The following LPXN variants were observed in gnomAD, a reference collection of about 807,000 sequenced individuals.
LPXN encodes leupaxin.
A neutral mutation model predicts 45.6 loss-of-function variants in LPXN; 28 were observed. The ratio of observed to expected loss-of-function variants is 0.61; its 90% confidence interval spans 0.45 to 0.84. LPXN has a LOEUF of 0.84. Among genes scored for constraint, LPXN ranks in the 40% least tolerant of loss-of-function variants. The pLI, the probability that LPXN is intolerant of heterozygous loss-of-function variation, is 0.00. For missense variants in LPXN, 459 were observed against 475.0 expected (o/e 0.97, Z 0.31); for synonymous variants, 166 against 169.9 (o/e 0.98, Z 0.18).
chr11:58,543,771 T>C (rs931821838), intron 7 of LPXN, among the ~76,000 whole-genome samples: 17 of 152,150 alleles, frequency 1.1e-4, no homozygotes, highest in African/African-American at 3.1e-4. Flanking sequence ...AATAATTTTG[T>C]AAATATGAGA....
chr11:58,547,880 T>C (rs1054341119), intron 7 of LPXN, among the ~76,000 whole-genome samples: 1 of 152,122 alleles, frequency 6.6e-6, no homozygotes, highest in Non-Finnish European at 1.5e-5. Flanking sequence ...GAGTTCATTC[T>C]AAAAGGACAG....
chr11:58,542,230 G>A (rs1853750145), intron 7 of LPXN, among the ~76,000 whole-genome samples: 1 of 120,326 alleles, frequency 8.3e-6, no homozygotes, highest in Admixed American at 8.1e-5. Flanking sequence ...ATAATATGTT[G>A]GACATTATAA....
chr11:58,540,807 T>A (rs1156801786), intron 7 of LPXN, among the ~76,000 whole-genome samples: 1 of 152,182 alleles, frequency 6.6e-6, no homozygotes, highest in Non-Finnish European at 1.5e-5. Context: ...ACACTGAGAA[T>A]GAGAAACTCA....
intron 7 of LPXN, among the ~76,000 whole-genome samples, chr11:58,536,083 C>T (rs1294904636): frequency 3.3e-5 from 5 of 152,172 alleles, no homozygotes; most frequent in Admixed American, 6.5e-5. Context: ...GGCCATACTG[C>T]CCAAAGTAAT....
intron 7 of LPXN, among the ~76,000 whole-genome samples, chr11:58,535,991 T>C (rs1465366948): frequency 6.6e-6 from 1 of 152,200 alleles, no homozygotes; most frequent in Non-Finnish European, 1.5e-5. Context: ...TACAAACCAC[T>C]GTTCAAGGAA....
intron 3 of LPXN, among the ~76,000 whole-genome samples, chr11:58,561,227 A>G (rs1854366075): frequency 6.6e-6 from 1 of 152,212 alleles, no homozygotes; most frequent in Non-Finnish European, 1.5e-5. Flanking sequence ...GAAAACATAC[A>G]TTTACTACTT....
intron 7 of LPXN, among the ~76,000 whole-genome samples, chr11:58,542,613 T>C (rs1293048276): frequency 3.9e-5 from 6 of 152,036 alleles, no homozygotes; most frequent in Non-Finnish European, 8.8e-5. Flanking sequence ...GTTTCCAATG[T>C]TTGGAACTAT....
intron 7 of LPXN, among the ~76,000 whole-genome samples, chr11:58,532,370 G>T (rs1458537293): frequency 6.6e-6 from 1 of 152,244 alleles, no homozygotes; most frequent in African/African-American, 2.4e-5. Context: ...CCGCAGCCCT[G>T]GCATGGGATC....
chr11:58,573,804 CAAT>C (rs1397209068), intron 1 of LPXN, among the ~76,000 whole-genome samples: 1 of 152,060 alleles, frequency 6.6e-6, no homozygotes, highest in African/African-American at 2.4e-5. Flanking sequence ...GAAATAATAT[CAAT>C]ATTAACATGA....
intron 3 of LPXN, 95 bp from the exon 4 acceptor site, chr11:58,555,035 A>C (rs755276617): frequency 2.6e-5 from 20 of 767,224 alleles, no homozygotes; most frequent in Non-Finnish European, 4.2e-5. Context: ...TGTAATAATG[A>C]ATCCCCTGGA....
chr11:58,545,329 C>T (rs539009262), intron 7 of LPXN, among the ~76,000 whole-genome samples: 1 of 152,140 alleles, frequency 6.6e-6, no homozygotes, highest in Admixed American at 6.6e-5. Context: ...ACTTATGTCT[C>T]TACCTGAAAT....
upstream of LPXN, among the ~76,000 whole-genome samples, chr11:58,576,536 CTCT>C: frequency 6.6e-6 from 1 of 152,318 alleles, no homozygotes; most frequent in South Asian, 2.1e-4. Context: ...CTGAGGTTAA[CTCT>C]TCACCTTTTT....
At chr11:58,569,207 C>A (rs1854607266) in intron 2 of LPXN, among the ~76,000 whole-genome samples, 2 of 152,132 alleles carry the variant, frequency 1.3e-5, no homozygotes, top group African/African-American at 4.8e-5. Context: ...ACAAAATTAC[C>A]AGCTATGAAG....
intron 3 of LPXN, among the ~76,000 whole-genome samples, chr11:58,557,219 A>G (rs912022359): frequency 6.6e-6 from 1 of 152,202 alleles, no homozygotes; most frequent in Non-Finnish European, 1.5e-5. Flanking sequence ...TGGAATTACC[A>G]CTTCGTAAAG....
chr11:58,553,440 C>A (rs573873518), intron 4 of LPXN, among the ~76,000 whole-genome samples: 1 of 150,898 alleles, frequency 6.6e-6, no homozygotes, highest in Non-Finnish European at 1.5e-5. Flanking sequence ...ATCTAATGTA[C>A]ATTTTTTCTA....
Position 58,548,278 on chromosome 11 carries a change from G to A in LPXN, c.742+1508C>T, listed in dbSNP as rs558541690. Among the ~76,000 whole-genome samples, 10 of 152,108 alleles carry A rather than the reference G, an allele frequency of 6.6e-5. No individual in the cohort carries two copies. In the South Asian group the frequency reaches 2.1e-3, roughly 32 times the overall value. ...GGTAACATGTATAAAACATAGACAT[G>A]GGACCCAGGAAACAGAGCATCCAAA... On this transcript the variant is annotated intron_variant, in intron 7 of 8. Transcript: ENST00000395074.
In LPXN at chr11:58,561,420, G is replaced by C. The variant is rs559668641; in HGVS notation, c.218+2735C>G. Among the ~76,000 whole-genome samples the C allele has an allele frequency of 5.9e-5, 9 of 152,170 alleles. 1 individual carries two copies. In the South Asian group the frequency reaches 1.9e-3, roughly 32 times the overall value. ...CTTAAGATAAAAGATTTATCTTTTA[G>C]GTACAACATGGCCCTCTACTAGATG... On this transcript the variant is annotated intron_variant, in intron 3 of 8. Transcript: ENST00000395074.
chr11:58,566,874 A>G (rs1854541714), intron 2 of LPXN, among the ~76,000 whole-genome samples: 1 of 152,192 alleles, frequency 6.6e-6, no homozygotes, highest in Non-Finnish European at 1.5e-5. Context: ...CATTCCCAAA[A>G]TCCAATTGAT....
chr11:58,529,836 C>T (rs575040288), intron 7 of LPXN, among the ~76,000 whole-genome samples: 2 of 152,186 alleles, frequency 1.3e-5, no homozygotes, highest in South Asian at 2.1e-4. Flanking sequence ...CTGAGGTAAC[C>T]GGTTCATCTC....
Sources: allele counts gnomAD v4.1 joint callset (sites outside exome capture counted in the v4.1 genomes callset), GRCh38; gene constraint gnomAD v4.1.1; transcripts MANE v1.5; gene names NCBI Gene and HGNC (gene_info 2026-07-23, HGNC 2026-07-21).